The following NRXN1 variants were observed in gnomAD, a reference collection of about 807,000 sequenced individuals.
The protein encoded by NRXN1 is neurexin 1.
In NRXN1, 39 loss-of-function variants were observed where a neutral mutation model predicts 150.9. The observed-to-expected ratio is 0.26, with a 90% CI of 0.20 to 0.34. NRXN1 has a LOEUF of 0.34. Ranked by LOEUF, NRXN1 falls within the 10% of genes least tolerant of loss-of-function variation. The probability of loss-of-function intolerance (pLI) is 1.00; values close to 1 mark genes in which losing one functional copy is unlikely to be tolerated. For synonymous variants in NRXN1, 924 were observed against 757.0 expected, an observed-to-expected ratio of 1.22 and a Z score of -3.62; for missense variants, 1,815 against 1,949.9, an observed-to-expected ratio of 0.93 and a Z score of 1.30.
At position 50,938,467 on chromosome 2, in the gene NRXN1, C is replaced by T. The variant is rs2104459110; in HGVS notation, c.773-12512G>A. Among the ~76,000 whole-genome samples the T allele has an allele frequency of 1.3e-5, 2 of 152,314 alleles. 1 individual carries two copies. The highest frequency in any genetic ancestry group is 4.1e-4 in the South Asian group (2 of 4,824). On this transcript the variant is annotated intron_variant, in intron 2 of 22. Coordinates refer to ENST00000401669, the MANE Select transcript of NRXN1 (RefSeq NM_001330078.2). The stretch of plus-strand genomic sequence containing the variant: ...GAAGTTCCAAACTTTCCCATATCTT[C>T]CTGTCTTCTTCTGAGCCCTCCAAAC...
chr2:50,390,750 C>T (rs1280361485), intron 17 of NRXN1, among the ~76,000 whole-genome samples: 2 of 152,000 alleles, frequency 1.3e-5, no homozygotes, highest in Admixed American at 6.6e-5. Context: ...TGACCCCCAC[C>T]TCCCCTCAAC....
At chr2:50,626,111 C>T (rs1428200671) in intron 5 of NRXN1, among the ~76,000 whole-genome samples, 2 of 151,774 alleles carry the variant, frequency 1.3e-5, no homozygotes, top group African/African-American at 4.8e-5. Flanking sequence ...ATATATTGCA[C>T]AAATTGAAAC....
At chr2:49,943,602 A>T in intron 22 of NRXN1, 102 bp downstream of exon 22, 3 of 764,104 alleles carry the variant, frequency 3.9e-6, no homozygotes, top group Non-Finnish European at 7.0e-6. Flanking sequence ...ATGGTATAGG[A>T]GGGTAGCCTT....
intron 2 of NRXN1, among the ~76,000 whole-genome samples, chr2:50,955,221 A>C (rs1298728680): frequency 2.0e-5 from 3 of 152,220 alleles, no homozygotes; most frequent in South Asian, 4.1e-4. Context: ...ATTATGTACC[A>C]GAGATTCTGT....
At chr2:49,944,429 C>A (rs924068274) in intron 21 of NRXN1, among the ~76,000 whole-genome samples, 1 of 152,124 alleles carries the variant, frequency 6.6e-6, no homozygotes, top group African/African-American at 2.4e-5. Flanking sequence ...TCATCCCTTT[C>A]ATCATTATGG....
chr2:50,202,495 G>C (rs2062248369), intron 18 of NRXN1, among the ~76,000 whole-genome samples: 1 of 151,954 alleles, frequency 6.6e-6, no homozygotes, highest in Admixed American at 6.6e-5. Flanking sequence ...AACAGAGTGA[G>C]AATCCATCTC....
At chr2:49,944,818 ACATTGATACAGTTCT>A (rs1207810855) in intron 21 of NRXN1, among the ~76,000 whole-genome samples, 1 of 150,616 alleles carries the variant, frequency 6.6e-6, no homozygotes, top group Non-Finnish European at 1.5e-5. Flanking sequence ...CAGAATTGCA[ACATTGATACAGTTCT>A]CATTTAAAAG....
At chr2:50,425,998 T>C (rs549299038) in intron 17 of NRXN1, among the ~76,000 whole-genome samples, 3 of 152,320 alleles carry the variant, frequency 2.0e-5, no homozygotes, top group African/African-American at 4.8e-5. Context: ...CTATCAGTGA[T>C]ACTTGTTACA....
chr2:50,440,426 A>G (rs767488664), intron 17 of NRXN1, among the ~76,000 whole-genome samples: 1 of 150,852 alleles, frequency 6.6e-6, no homozygotes, highest in Non-Finnish European at 1.5e-5. Context: ...ATTATTATTT[A>G]GAAGATAAAA....
chr2:50,636,148 T>C (rs1005176270), intron 5 of NRXN1, among the ~76,000 whole-genome samples: 10 of 152,188 alleles, frequency 6.6e-5, no homozygotes, highest in African/African-American at 1.9e-4. Flanking sequence ...GATTGAAGTA[T>C]TGTAAATAGA....
chr2:50,940,005 T>C (rs911573018), intron 2 of NRXN1, among the ~76,000 whole-genome samples: 2 of 152,198 alleles, frequency 1.3e-5, no homozygotes, highest in Non-Finnish European at 2.9e-5. Context: ...AATGACTTTC[T>C]TATGAAGGGA....
chr2:50,775,918 T>C (rs1246681875), intron 5 of NRXN1, among the ~76,000 whole-genome samples: 1 of 152,104 alleles, frequency 6.6e-6, no homozygotes, highest in Admixed American at 6.6e-5. Flanking sequence ...TTATGTGTTG[T>C]TTAATTGGGT....
At chr2:50,457,399 C>T (rs1457635727) in intron 17 of NRXN1, among the ~76,000 whole-genome samples, 1 of 151,998 alleles carries the variant, frequency 6.6e-6, no homozygotes, top group Non-Finnish European at 1.5e-5. Flanking sequence ...ACTGTGGGTA[C>T]AGAAAAGAAT....
intron 19 of NRXN1, among the ~76,000 whole-genome samples, chr2:50,062,284 A>G (rs1694663021): frequency 6.6e-6 from 1 of 151,948 alleles, no homozygotes; most frequent in African/African-American, 2.4e-5. Context: ...GCTCTCATTA[A>G]TGGGATTAGT....
chr2:50,230,466 T>A (rs1479067677), intron 18 of NRXN1, among the ~76,000 whole-genome samples: 1 of 151,986 alleles, frequency 6.6e-6, no homozygotes, highest in Non-Finnish European at 1.5e-5. Flanking sequence ...AACAAAGGAA[T>A]AATATGATCA....
intron 5 of NRXN1, among the ~76,000 whole-genome samples, chr2:50,672,391 A>C (rs1688982378): frequency 6.6e-6 from 1 of 152,010 alleles, no homozygotes; most frequent in Admixed American, 6.6e-5. Flanking sequence ...AAATGTGGCT[A>C]TGCTTTATTC....
At chr2:50,098,830 G>GTTTTT (rs746736925) in intron 18 of NRXN1, among the ~76,000 whole-genome samples, 7 of 105,512 alleles carry the variant, frequency 6.6e-5, no homozygotes, top group East Asian at 6.1e-4. Context: ...TTTGGTTTTA[G>GTTTTT]TTTTTTTTTT....
intron 17 of NRXN1, among the ~76,000 whole-genome samples, chr2:50,389,594 C>T (rs531802281): frequency 1.3e-5 from 2 of 152,136 alleles, no homozygotes; most frequent in East Asian, 1.9e-4. Context: ...TTCAAGGCCT[C>T]TCAGAGGTTA....
chr2:49,985,269 T>G (rs1680706503), intron 21 of NRXN1, among the ~76,000 whole-genome samples: 1 of 152,176 alleles, frequency 6.6e-6, no homozygotes, highest in Admixed American at 6.5e-5. Flanking sequence ...AAGTTACATC[T>G]AGGATTTGCA....
Sources: allele counts gnomAD v4.1 joint callset (sites outside exome capture counted in the v4.1 genomes callset), GRCh38; gene constraint gnomAD v4.1.1; transcripts MANE v1.5; gene names NCBI Gene and HGNC (gene_info 2026-07-23, HGNC 2026-07-21).